Variants in NUDT9 observed in about 807,000 individuals in gnomAD.
The protein encoded by NUDT9 is nudix hydrolase 9, also known as ADP-ribose pyrophosphatase.
Under a neutral mutation model 41.0 loss-of-function variants are expected in NUDT9, and 31 were observed. The ratio of observed to expected loss-of-function variants is 0.76; its 90% CI spans 0.57 to 1.02. The LOEUF (loss-of-function observed/expected upper bound fraction) is 1.02, where lower values mean the gene tolerates loss of function less well. Ranked by LOEUF, NUDT9 falls within the 50% of genes least tolerant of loss-of-function variation. NUDT9 has a pLI of 0.00. For missense variants in NUDT9, 380 were observed against 431.4 expected (o/e 0.88, Z 1.06); for synonymous variants, 146 against 147.6 (o/e 0.99, Z 0.08).
At chr4:87,447,066 T>C (rs1056515757) in intron 4 of NUDT9, among the ~76,000 whole-genome samples, 1 of 152,230 alleles carries the variant, frequency 6.6e-6, no homozygotes, top group Non-Finnish European at 1.5e-5. Flanking sequence ...TAGATGAATC[T>C]TGTCGTATAA....
chr4:87,451,907 A>C (rs1196185087), intron 6 of NUDT9, among the ~76,000 whole-genome samples, 172 bp downstream of exon 6: 1 of 152,220 alleles, frequency 6.6e-6, no homozygotes, highest in East Asian at 1.9e-4. Context: ...GTTTCTATTT[A>C]AAGTTTTATA....
intron 1 of NUDT9, among the ~76,000 whole-genome samples, chr4:87,432,115 T>C (rs1352447829): frequency 2.6e-5 from 4 of 152,376 alleles, no homozygotes; most frequent in Middle Eastern, 3.4e-3. Flanking sequence ...CATCATGCGA[T>C]GTGTAAATAC....
intron 5 of NUDT9, among the ~76,000 whole-genome samples, chr4:87,451,305 A>G (rs1722698110): frequency 6.6e-6 from 1 of 152,198 alleles, no homozygotes; most frequent in South Asian, 2.1e-4. Context: ...TGTTATTTCT[A>G]ACCTCCAGTC....
intron 5 of NUDT9, among the ~76,000 whole-genome samples, chr4:87,451,195 A>G (rs1236979668): frequency 2.0e-5 from 3 of 152,210 alleles, no homozygotes; most frequent in Non-Finnish European, 4.4e-5. Flanking sequence ...AGCAGGTACA[A>G]AGGCTCTCAG....
intron 4 of NUDT9, among the ~76,000 whole-genome samples, chr4:87,444,146 C>T (rs893133590): frequency 2.6e-5 from 4 of 152,058 alleles, no homozygotes; most frequent in South Asian, 2.1e-4. Flanking sequence ...TGTCTCCCCA[C>T]GTGGAATTGT....
intron 1 of NUDT9, chr4:87,434,477 G>T: frequency 7.0e-6 from 1 of 143,722 alleles, no homozygotes. Context: ...CAGCTAATAA[G>T]ATTTAGCTAT....
rs1437384591 is a variant in NUDT9, at chr4:87,434,973, T to G, written c.108-8T>G. ...TTTATGTAAAATGTTTTTCTTTTTC[T>G]CCCCCAGAAACTCGTTTTCATCTTC... On this transcript the variant is annotated splice_region_variant and splice_polypyrimidine_tract_variant and intron_variant, in intron 1 of 7. Transcript: ENST00000302174. 1 of 1,595,102 alleles carries G rather than the reference T, an allele frequency of 6.3e-7. No individual in the cohort carries two copies. Among genetic ancestry groups the G allele is most frequent in the Non-Finnish European group, 8.5e-7 (1 of 1,173,090 alleles).
At chr4:87,445,061 AC>A (rs1722385107) in intron 4 of NUDT9, among the ~76,000 whole-genome samples, 1 of 152,180 alleles carries the variant, frequency 6.6e-6, no homozygotes, top group Non-Finnish European at 1.5e-5. Context: ...AAAGTATTCT[AC>A]TTTTAGACTA....
rs115829066 is a variant in NUDT9 at position 87,446,079 on chromosome 4, A to G, written c.531-3063A>G. On this transcript the variant is annotated intron_variant, in intron 4 of 7. Coordinates refer to ENST00000302174, the MANE Select transcript of NUDT9 (RefSeq NM_024047.5). Reference sequence around the variant, plus strand: ...ACACTACACCTGGCCAGTGGCCAGCATCTCTCTCTATTCTGTTTCTCATCC... The same window carrying G: ...ACACTACACCTGGCCAGTGGCCAGCGTCTCTCTCTATTCTGTTTCTCATCC... 5.9e-3 allele frequency among the ~76,000 whole-genome samples: 899 copies of G among 151,936 alleles called. 9 individuals are homozygous for G. The highest frequency in any genetic ancestry group is 0.034 in the Middle Eastern group (10 of 294).
chr4:87,436,017 G>T (rs1457546179), intron 2 of NUDT9, among the ~76,000 whole-genome samples: 1 of 151,364 alleles, frequency 6.6e-6, no homozygotes, highest in East Asian at 1.9e-4. Flanking sequence ...TGAGACTGGT[G>T]CTCTCTCTCT....
intron 6 of NUDT9, among the ~76,000 whole-genome samples, chr4:87,453,803 G>A (rs1722862688): frequency 6.6e-6 from 1 of 151,690 alleles, no homozygotes; most frequent in Admixed American, 6.6e-5. Flanking sequence ...AGCACATGAA[G>A]TACTACATTA....
At chr4:87,425,149 A>G (rs2110155426) in intron 1 of NUDT9, among the ~76,000 whole-genome samples, 1 of 152,120 alleles carries the variant, frequency 6.6e-6, no homozygotes, top group South Asian at 2.1e-4. Flanking sequence ...TGAGGCCAGG[A>G]GTTTGAGACC....
chr4:87,445,090 T>C (rs1490693389), intron 4 of NUDT9, among the ~76,000 whole-genome samples: 1 of 152,174 alleles, frequency 6.6e-6, no homozygotes, highest in African/African-American at 2.4e-5. Context: ...CCAGGCATCC[T>C]GTCAGTGCTA....
chr4:87,442,025 ATG>A (rs1722224873), intron 4 of NUDT9, 110 bp downstream of exon 4: 1 of 688,926 alleles, frequency 1.5e-6, no homozygotes, highest in Admixed American at 3.2e-5. Flanking sequence ...ATACATATGT[ATG>A]TGTTTGTATA....
At chr4:87,430,080 A>G (rs1721614891) in intron 1 of NUDT9, among the ~76,000 whole-genome samples, 1 of 152,142 alleles carries the variant, frequency 6.6e-6, no homozygotes, top group African/African-American at 2.4e-5. Context: ...TTTAATTGAG[A>G]GTCCTTAAAA....
intron 1 of NUDT9, among the ~76,000 whole-genome samples, chr4:87,426,052 A>T (rs2110156648): frequency 6.6e-6 from 1 of 152,220 alleles, no homozygotes; most frequent in Non-Finnish European, 1.5e-5. Context: ...GGCTCAAGTG[A>T]TCCTCCTGCC....
At chr4:87,449,867 T>C (rs144828169) in intron 5 of NUDT9, among the ~76,000 whole-genome samples, 2,161 of 152,164 alleles carry the variant, frequency 0.014, 47 homozygotes, top group African/African-American at 0.049. Flanking sequence ...ATTTTTTATT[T>C]ATTTATTTAT....
chr4:87,436,586 C>T (rs552658427), intron 2 of NUDT9, among the ~76,000 whole-genome samples: 4 of 152,274 alleles, frequency 2.6e-5, no homozygotes, highest in Admixed American at 6.5e-5. Context: ...GCTGGGATTA[C>T]AGGCATGAGC....
rs372059534 is a variant in NUDT9, at chr4:87,437,584, T to C, written c.348-693T>C. ...GTCTTGATCTCCTGACCTTGTGATC[T>C]GCCCACCTTGGCCTCCCAAAGTGCT... On this transcript the variant is annotated intron_variant, in intron 2 of 7. Transcript: ENST00000302174. Among the ~76,000 whole-genome samples the C allele has an allele frequency of 5.4e-3, 794 of 148,150 alleles. 49 individuals are homozygous for C. The highest frequency in any genetic ancestry group is 0.02 in the African/African-American group (747 of 37,784).
Sources: allele counts gnomAD v4.1 joint callset (sites outside exome capture counted in the v4.1 genomes callset), GRCh38; gene constraint gnomAD v4.1.1; transcripts MANE v1.5; gene names NCBI Gene and HGNC (gene_info 2026-07-23, HGNC 2026-07-21).